GRIP2: variants seen among roughly 807,000 people sequenced by gnomAD.
The protein encoded by GRIP2 is glutamate receptor interacting protein 2.
In GRIP2, 58 loss-of-function variants were observed where a neutral mutation model predicts 108.3. The observed-to-expected ratio is 0.54, with a 90% CI of 0.43 to 0.67. GRIP2 has a LOEUF of 0.67. Among genes scored for constraint, GRIP2 ranks in the 30% least tolerant of loss-of-function variants. The pLI, the probability that GRIP2 is intolerant of heterozygous loss-of-function variation, is 0.00. For synonymous variants in GRIP2, 586 were observed against 598.2 expected, an observed-to-expected ratio of 0.98 and a Z score of 0.30; for missense variants, 1,278 against 1,430.6, an observed-to-expected ratio of 0.89 and a Z score of 1.72.
At chr3:14,509,111 G>A (rs1205353945) in intron 17 of GRIP2, among the ~76,000 whole-genome samples, 1 of 152,102 alleles carries the variant, frequency 6.6e-6, no homozygotes, top group African/African-American at 2.4e-5. Flanking sequence ...TCCACGTCCC[G>A]GAATCCCTCC....
At chr3:14,552,360 G>C (rs1695163706) in intron 1 of GRIP2, among the ~76,000 whole-genome samples, 1 of 152,178 alleles carries the variant, frequency 6.6e-6, no homozygotes, top group African/African-American at 2.4e-5. Flanking sequence ...AAGCTCAGGA[G>C]GGCAAGGACA....
In GRIP2 at chr3:14,512,781, G is replaced by A. The variant is rs1378965795; in HGVS notation, c.1716C>T (p.Ile572=). 1 of 1,613,278 alleles carries A rather than the reference G, an allele frequency of 6.2e-7. No individual in the cohort carries two copies. The highest frequency in any genetic ancestry group is 2.2e-5 in the East Asian group (1 of 44,896). Residue 572 remains isoleucine, a synonymous_variant, in exon 14 of 24, where the codon ATC becomes ATT. Coordinates refer to ENST00000621039, the MANE Select transcript of GRIP2 (RefSeq NM_001080423.4). This position sits in a 1 kb window ranked among gnomAD's most constrained non-coding sequence, Gnocchi z 5.1. The part of the protein sequence containing the change: ...KKRSVELGIT[I]SSASRKRGEP... Reference sequence around the variant, plus strand: ...CAGCAGCGGGAGGAGACTCACAGCTGATGGTGATGCCCAGCTCCACGCTGC... The same window carrying A: ...CAGCAGCGGGAGGAGACTCACAGCTAATGGTGATGCCCAGCTCCACGCTGC...
the GRIP2 span, among the ~76,000 whole-genome samples, chr3:14,582,068 C>T: frequency 5.8e-4 from 89 of 152,314 alleles, no homozygotes; most frequent in South Asian, 7.5e-3. Context: ...AGGAGCATGA[C>T]GTGTTGCTCC....
At chr3:14,566,593 G>A in the GRIP2 span, among the ~76,000 whole-genome samples, 7 of 152,194 alleles carry the variant, frequency 4.6e-5, no homozygotes, top group African/African-American at 1.2e-4. Context: ...AGAGCAAGGC[G>A]ATCAACATCA....
At chr3:14,602,470 A>C in the GRIP2 span, among the ~76,000 whole-genome samples, 1 of 151,860 alleles carries the variant, frequency 6.6e-6, no homozygotes, top group African/African-American at 2.4e-5. The surrounding 1 kb of genome is among the most constrained non-coding windows in gnomAD (Gnocchi z 4.7). Flanking sequence ...CTCGGGGGCC[A>C]AAGGACCCCC....
At chr3:14,503,148 G>A (rs781102171) in intron 21 of GRIP2, among the ~76,000 whole-genome samples, 10 of 152,174 alleles carry the variant, frequency 6.6e-5, no homozygotes, top group South Asian at 6.2e-4. Context: ...AGGGCATGCC[G>A]ACAACCACAT....
At chr3:14,524,179 A>C in intron 4 of GRIP2, 1 of 592,370 alleles carries the variant, frequency 1.7e-6, no homozygotes, top group Non-Finnish European at 3.0e-6. Context: ...AATATGTAAA[A>C]TGACATTGGC....
the GRIP2 span, among the ~76,000 whole-genome samples, chr3:14,600,876 C>A: frequency 6.6e-6 from 1 of 152,148 alleles, no homozygotes; most frequent in Non-Finnish European, 1.5e-5. Context: ...ATGTGGGGCA[C>A]CTCCTGGCAT....
chr3:14,516,650 G>A (rs1694256176), intron 11 of GRIP2, among the ~76,000 whole-genome samples: 1 of 152,132 alleles, frequency 6.6e-6, no homozygotes, highest in Admixed American at 6.5e-5. Context: ...TTTGTCTTAG[G>A]GGAAATTAAC....
At chr3:14,574,068 T>G in the GRIP2 span, 3 of 1,492,824 alleles carry the variant, frequency 2.0e-6, no homozygotes, top group South Asian at 3.4e-5. Flanking sequence ...GTACTTGACG[T>G]TCTCGTAGAC....
At chr3:14,581,347 C>T in the GRIP2 span, among the ~76,000 whole-genome samples, 1 of 152,230 alleles carries the variant, frequency 6.6e-6, no homozygotes, top group African/African-American at 2.4e-5. Context: ...ACCCCCTGTC[C>T]ATGTGATTTC....
chr3:14,521,889 G>T lies in GRIP2; in HGVS notation c.567-102C>A. 2.6e-6 allele frequency: 3 copies of T among 1,149,608 alleles called. No individual in the cohort carries two copies. The highest frequency in any genetic ancestry group is 3.5e-6 in the Non-Finnish European group (3 of 845,878). The allele number at this position is 1,149,608 out of a possible 1,614,324, so 71.2% of individuals were successfully genotyped here. The stretch of plus-strand genomic sequence containing the variant: ...CGGGACATGGAGGATGAAGAAGCAG[G>T]GAATGGGTGGGGGAGGAAGGGGAGG... On this transcript the variant is annotated intron_variant, in intron 6 of 23. Transcript: ENST00000621039. This position sits in a 1 kb window ranked among gnomAD's most constrained non-coding sequence, Gnocchi z 5.1.
upstream of GRIP2, among the ~76,000 whole-genome samples, chr3:14,541,395 G>A (rs984319884): frequency 9.2e-5 from 14 of 152,296 alleles, no homozygotes; most frequent in Admixed American, 1.3e-4. Flanking sequence ...GTTCCTGACC[G>A]CGTGGGAACA....
At chr3:14,509,085 C>A (rs144889304) in intron 17 of GRIP2, among the ~76,000 whole-genome samples, 191 of 152,232 alleles carry the variant, frequency 1.3e-3, no homozygotes, top group African/African-American at 4.5e-3. Flanking sequence ...CAGCAGGGGG[C>A]GCTCCAGGAG....
intron 21 of GRIP2, among the ~76,000 whole-genome samples, chr3:14,501,008 G>T (rs537710141): frequency 6.6e-6 from 1 of 152,256 alleles, no homozygotes; most frequent in East Asian, 1.9e-4. Context: ...GTAAGGTAAG[G>T]CCATGGCCTT....
At chr3:14,523,749 C>G in intron 4 of GRIP2, 51 bp from the exon 5 acceptor site, 1 of 1,251,398 alleles carries the variant, frequency 8.0e-7, no homozygotes, top group Non-Finnish European at 1.2e-6. Flanking sequence ...ATCTCCAGGC[C>G]GGTAGATGTG....
At position 14,520,200 on chromosome 3, in the gene GRIP2, T is replaced by C. The variant is rs977760720; in HGVS notation, c.940A>G (p.Thr314Ala). ...SMEHCSLLEATKLLASISEKV... is the reference protein window; with the variant it reads ...SMEHCSLLEAAKLLASISEKV... ...TCTGAAATGCTGGCCAGGAGCTTGG[T>C]GGCCTCAAGCAGCGAGCAGTGTTCC... The change falls in exon 9 of 24, where the codon ACC becomes GCC. Residue 314 changes from threonine to alanine, a missense_variant. By Grantham distance (58) the Thr-to-Ala change is moderately conservative. Transcript: ENST00000621039. The C allele has an allele frequency of 1.2e-6, 2 of 1,613,506 alleles. No homozygotes were observed. Among genetic ancestry groups the C allele is most frequent in the East Asian group, 2.2e-5 (1 of 44,882 alleles).
In GRIP2 at chr3:14,521,995, G is replaced by A; in HGVS notation, c.567-208C>T. The A allele has an allele frequency of 7.3e-6, 4 of 546,948 alleles. No individual in the cohort carries two copies. The highest frequency in any genetic ancestry group is 6.4e-6 in the Non-Finnish European group (2 of 312,604). 33.9% of individuals were successfully genotyped at this position (546,948 alleles called of 1,614,324 possible). The stretch of plus-strand genomic sequence containing the variant: ...GGGGAGCTGCATAAAGCAAGGGGGG[G>A]ATGAAGACAGGATGGGGTGGCTCTG... On this transcript the variant is annotated intron_variant, in intron 6 of 23. Transcript: ENST00000621039. The surrounding 1 kb of genome is among the most constrained non-coding windows in gnomAD (Gnocchi z 5.1).
chr3:14,494,662 G>C (rs1309363689), intron 23 of GRIP2, among the ~76,000 whole-genome samples, 181 bp downstream of exon 23: 1 of 152,202 alleles, frequency 6.6e-6, no homozygotes, highest in Non-Finnish European at 1.5e-5. Flanking sequence ...TAAGAAGAAA[G>C]GTCTGTGTGT....
Sources: allele counts gnomAD v4.1 joint callset (sites outside exome capture counted in the v4.1 genomes callset), GRCh38; gene constraint gnomAD v4.1.1; non-coding constraint Gnocchi (gnomAD v3.1); transcripts MANE v1.5; gene names NCBI Gene and HGNC (gene_info 2026-07-23, HGNC 2026-07-21).